Variants in USF3 observed in about 807,000 individuals in gnomAD.
USF3 encodes upstream transcription factor family member 3.
Under a neutral mutation model 157.5 loss-of-function variants are expected in USF3, and 29 were observed. The ratio of observed to expected loss-of-function variants is 0.18; its 90% CI spans 0.14 to 0.25. The LOEUF (loss-of-function observed/expected upper bound fraction) is 0.25. USF3 is among the 10% of genes least tolerant of loss of function. USF3 has a pLI of 1.00. For missense variants in USF3, 2,381 were observed against 2,667.6 expected (o/e 0.89, Z 2.37); for synonymous variants, 893 against 941.4 (o/e 0.95, Z 0.94).
At chr3:113,694,237 G>C (rs1381916266) in intron 1 of USF3, among the ~76,000 whole-genome samples, 1 of 152,204 alleles carries the variant, frequency 6.6e-6, no homozygotes, top group African/African-American at 2.4e-5. Flanking sequence ...CAACAAACTT[G>C]AGCTGATTAC....
chr3:113,690,796 T>G (rs1707666352), intron 1 of USF3, among the ~76,000 whole-genome samples: 1 of 152,242 alleles, frequency 6.6e-6, no homozygotes, highest in Non-Finnish European at 1.5e-5. Flanking sequence ...CTCTGGACTC[T>G]ATCACTCTCG....
Position 113,654,092 on chromosome 3 carries a change from C to T in USF3, c.*852G>A, listed in dbSNP as rs1228815938. On this transcript the variant is annotated 3_prime_UTR_variant, in exon 7 of 7. Coordinates refer to ENST00000316407, the MANE Select transcript of USF3 (RefSeq NM_001009899.4). ...AATGAAGAGAGAATACTAAATTAAA[C>T]TCAGCTGATGAAACATCCATTGTTA... 6.6e-6 allele frequency: 1 copy of T among 152,546 alleles called. No homozygotes were observed. The highest frequency in any genetic ancestry group is 2.4e-5 in the African/African-American group (1 of 41,454). The allele number at this position is 152,546 out of a possible 1,614,324, so 9.4% of individuals were successfully genotyped here. A position where few individuals can be genotyped will look rare whatever the true frequency, so the allele number is the denominator to read the frequency against.
At position 113,660,028 on chromosome 3, in the gene USF3, C is replaced by T; in HGVS notation, c.1654G>A (p.Val552Ile). 3 of 1,614,156 alleles carry T rather than the reference C, an allele frequency of 1.9e-6. No individual in the cohort carries two copies. The highest frequency in any genetic ancestry group is 1.7e-6 in the Non-Finnish European group (2 of 1,180,018). ...AVNSAPTNQN[V>I]IILQPPSTTP... Reference sequence around the variant, plus strand: ...GTGCTAGGTGGCTGAAGAATTATAACATTTTGATTAGTTGGAGCTGAATTA... The same window carrying T: ...GTGCTAGGTGGCTGAAGAATTATAATATTTTGATTAGTTGGAGCTGAATTA... Residue 552 changes from valine to isoleucine, a missense_variant, in exon 7 of 7, where the codon GTT becomes ATT. Around this residue, in one of 6 missense-constraint regions of USF3, gnomAD observed 1,435 missense variants for 1,550.9 expected, o/e 0.93. Transcript: ENST00000316407.
chr3:113,668,485 C>G (rs1707058302), intron 5 of USF3, among the ~76,000 whole-genome samples: 1 of 150,144 alleles, frequency 6.7e-6, no homozygotes, highest in Non-Finnish European at 1.5e-5. Context: ...AAGACAAATA[C>G]TGATATGTTT....
In USF3 at chr3:113,649,833, AC is replaced by A. The variant is rs1017601463; in HGVS notation, c.*5110del. 4.3e-6 allele frequency: 3 copies of A among 702,804 alleles called. No individual in the cohort carries two copies. The African/African-American group carries it at 5.2e-5, about 12-fold the overall frequency. 43.5% of individuals were successfully genotyped at this position (702,804 alleles called of 1,614,324 possible). A position where few individuals can be genotyped will look rare whatever the true frequency, so the allele number is the denominator to read the frequency against. ...AATCTAAATTTGGTGTCCCCCCTCC[AC>A]AGGTTCTAGTAGAAACCTACGCATG... On this transcript the variant is annotated 3_prime_UTR_variant, in exon 7 of 7. Transcript: ENST00000316407.
At chr3:113,687,229 TCACACACACA>T (rs67480409) in intron 1 of USF3, among the ~76,000 whole-genome samples, 39 of 102,528 alleles carry the variant, frequency 3.8e-4, no homozygotes, top group South Asian at 2.8e-3. Flanking sequence ...ACACACACAG[TCACACACACA>T]CACACACACA....
Position 113,658,012 on chromosome 3 carries a change from C to T in USF3, c.3670G>A (p.Ala1224Thr). ...SCSLGIKTSN[A>T]SLQDSTSQPP... ...TGAGAAGTTGAATCCTGTAAAGATG[C>T]ATTTGATGTTTTAATTCCTAGAGAA... is the stretch of plus-strand genomic sequence containing the variant. The change falls in exon 7 of 7, where the codon GCA becomes ACA. Residue 1224 changes from alanine to threonine, a missense_variant. Physicochemically the swap from Ala to Thr is moderately conservative, Grantham distance 58. Coordinates refer to ENST00000316407, the MANE Select transcript of USF3 (RefSeq NM_001009899.4). The T allele has an allele frequency of 1.9e-6, 3 of 1,614,118 alleles. No homozygotes were observed. The highest frequency in any genetic ancestry group is 2.5e-6 in the Non-Finnish European group (3 of 1,179,992).
At chr3:113,668,078 G>T (rs1173375394) in intron 5 of USF3, among the ~76,000 whole-genome samples, 1 of 152,054 alleles carries the variant, frequency 6.6e-6, no homozygotes, top group Non-Finnish European at 1.5e-5. Flanking sequence ...GGTTAAAATA[G>T]AGGGGAAGTG....
In USF3 at chr3:113,656,564, A is replaced by G; in HGVS notation, c.5118T>C (p.Val1706=). 1 of 1,614,226 alleles carries G rather than the reference A, an allele frequency of 6.2e-7. No individual in the cohort carries two copies. ...GAATAGCCAAACTCTTATTTCTGGG[A>G]ACATCAAGATAGCTTCTCATTTCAA... The part of the protein sequence containing the change: ...DQLEMRSYLD[V]PRNKSLAIHN... The change falls in exon 7 of 7, where the codon GTT becomes GTC. Residue 1706 remains valine, a synonymous_variant. Coordinates refer to ENST00000316407, the MANE Select transcript of USF3 (RefSeq NM_001009899.4).
intron 2 of USF3, 61 bp from the exon 3 acceptor site, chr3:113,674,957 G>A: frequency 9.8e-7 from 1 of 1,020,388 alleles, no homozygotes; most frequent in South Asian, 1.3e-5. Context: ...TACAAAAATT[G>A]GTCAATAGCA....
In USF3 at chr3:113,654,872, A is replaced by G. The variant is rs1947324347; in HGVS notation, c.*72T>C. On this transcript the variant is annotated 3_prime_UTR_variant, in exon 7 of 7. Transcript: ENST00000316407. Reference sequence around the variant, plus strand: ...ACACACAATCCTTCTCTTCATGTACATGTCTGTGCACATGCACGCACAAAT... The same window carrying G: ...ACACACAATCCTTCTCTTCATGTACGTGTCTGTGCACATGCACGCACAAAT... 1 of 1,462,214 alleles carries G rather than the reference A, an allele frequency of 6.8e-7. No homozygotes were observed. The allele number at this position is 1,462,214 out of a possible 1,614,324, so 90.6% of individuals were successfully genotyped here. A position where few individuals can be genotyped will look rare whatever the true frequency, so the allele number is the denominator to read the frequency against.
At chr3:113,684,358 C>T (rs1308912404) in intron 1 of USF3, among the ~76,000 whole-genome samples, 6 of 151,832 alleles carry the variant, frequency 4.0e-5, no homozygotes, top group East Asian at 3.9e-4. Context: ...TTTTCTTGAT[C>T]GTCTATAACC....
chr3:113,678,997 G>A (rs1177637341), intron 1 of USF3, among the ~76,000 whole-genome samples: 7 of 146,872 alleles, frequency 4.8e-5, no homozygotes, highest in Non-Finnish European at 9.0e-5. Context: ...TCACTATGCT[G>A]TCCAGGCTGG....
At chr3:113,661,747 T>G (rs1454566952) in intron 6 of USF3, among the ~76,000 whole-genome samples, 1 of 152,222 alleles carries the variant, frequency 6.6e-6, no homozygotes, top group African/African-American at 2.4e-5. Context: ...CATACTGATA[T>G]CATGGCAACA....
chr3:113,665,570 T>C (rs1335094345), intron 5 of USF3, among the ~76,000 whole-genome samples: 2 of 152,238 alleles, frequency 1.3e-5, no homozygotes, highest in Admixed American at 6.5e-5. Context: ...CTCATGCCTA[T>C]AATCCCAGCA....
Position 113,650,900 on chromosome 3 carries a change from A to G in USF3, c.*4044T>C, listed in dbSNP as rs1947249461. The G allele has an allele frequency of 6.6e-6, 1 of 152,162 alleles. No individual in the cohort carries two copies. Among genetic ancestry groups the G allele is most frequent in the Non-Finnish European group, 1.5e-5 (1 of 68,018 alleles). The allele number at this position is 152,162 out of a possible 1,614,324, so 9.4% of individuals were successfully genotyped here. On this transcript the variant is annotated 3_prime_UTR_variant, in exon 7 of 7. Coordinates refer to ENST00000316407, the MANE Select transcript of USF3 (RefSeq NM_001009899.4). Reference sequence around the variant, plus strand: ...TGAGGAATTCCTACACCTTACCTAGAAAAAAGGTGCCATCTCTGGTACCGC... The same window carrying G: ...TGAGGAATTCCTACACCTTACCTAGGAAAAAGGTGCCATCTCTGGTACCGC...
At chr3:113,673,810 G>A (rs1357310513) in intron 3 of USF3, among the ~76,000 whole-genome samples, 2 of 152,212 alleles carry the variant, frequency 1.3e-5, no homozygotes, top group African/African-American at 4.8e-5. Context: ...GAGTAATTTT[G>A]TAATCCCTAG....
At chr3:113,668,903 T>A (rs1246160277) in intron 5 of USF3, among the ~76,000 whole-genome samples, 1 of 151,966 alleles carries the variant, frequency 6.6e-6, no homozygotes, top group Non-Finnish European at 1.5e-5. Flanking sequence ...GAGAACAGAG[T>A]GTTCCAGAAG....
At chr3:113,673,407 A>AT in intron 3 of USF3, 31 bp from the exon 4 acceptor site, 1 of 1,371,458 alleles carries the variant, frequency 7.3e-7, no homozygotes, top group East Asian at 2.3e-5. Context: ...AAAAGGTAAC[A>AT]TGAAAATAAT....
Sources: allele counts gnomAD v4.1 joint callset (sites outside exome capture counted in the v4.1 genomes callset), GRCh38; gene constraint gnomAD v4.1.1; regional missense constraint gnomAD v4.1.1; transcripts MANE v1.5; gene names NCBI Gene and HGNC (gene_info 2026-07-23, HGNC 2026-07-21).